The following DGKB variants were observed in gnomAD, a reference collection of about 807,000 sequenced individuals.
DGKB encodes the protein 90 kDa diacylglycerol kinase.
In DGKB, 67 loss-of-function variants were observed where a neutral mutation model predicts 114.3. The ratio of observed to expected loss-of-function variants is 0.59; its 90% CI spans 0.48 to 0.72. DGKB has a LOEUF of 0.72. Among genes scored for constraint, DGKB ranks in the 30% least tolerant of loss-of-function variants. The probability of loss-of-function intolerance (pLI) is 0.00; values close to 1 mark genes in which losing one functional copy is unlikely to be tolerated. For synonymous variants in DGKB, 398 were observed against 323.1 expected, an observed-to-expected ratio of 1.23 and a Z score of -2.49; for missense variants, 907 against 975.2, an observed-to-expected ratio of 0.93 and a Z score of 0.93.
chr7:14,297,957 T>G (rs897201073), intron 23 of DGKB, among the ~76,000 whole-genome samples: 1 of 152,056 alleles, frequency 6.6e-6, no homozygotes, highest in African/African-American at 2.4e-5. Flanking sequence ...CATTCACAAT[T>G]GCTACAAAGG....
chr7:14,184,922 T>C (rs1783177306), intron 23 of DGKB, among the ~76,000 whole-genome samples: 5 of 152,124 alleles, frequency 3.3e-5, no homozygotes, highest in Admixed American at 3.3e-4. Context: ...AACATAATAC[T>C]GAATGGGGAG....
chr7:14,736,065 T>G lies in DGKB; in HGVS notation c.298A>C (p.Ser100Arg). 1 of 1,606,388 alleles carries G rather than the reference T, an allele frequency of 6.2e-7. No individual in the cohort carries two copies. The highest frequency in any genetic ancestry group is 1.1e-5 in the South Asian group (1 of 89,352). ...CCGCCTGATAGGAGAGCAGGCTTAC[T>G]TTTTACCATTGGACTAGAATGAGGA... ...KFPHSSPMVK[S>R]KPALLSGGLR... is the part of the protein sequence containing the mutation. Residue 100 changes from serine to arginine, a missense_variant, in exon 5 of 26, where the codon AGT becomes CGT. This residue lies in a region of DGKB where 814 missense variants were observed against 856.6 expected (regional missense o/e 0.95). Coordinates refer to ENST00000402815, the MANE Select transcript of DGKB (RefSeq NM_001350709.2).
rs565180898 is a variant in DGKB at position 14,170,855 on chromosome 7, C to T, written c.2304+5984G>A. Reference sequence around the variant, plus strand: ...TAGAGCAACAGAGAAAAGACCAAGTCTTCCTAGTAGAGGACACAAACAAAG... The same window carrying T: ...TAGAGCAACAGAGAAAAGACCAAGTTTTCCTAGTAGAGGACACAAACAAAG... On this transcript the variant is annotated intron_variant, in intron 25 of 25. Transcript: ENST00000402815. 2.6e-5 allele frequency among the ~76,000 whole-genome samples: 4 copies of T among 152,308 alleles called. No homozygotes were observed. In the East Asian group the frequency reaches 7.7e-4, roughly 29 times the overall value.
chr7:14,700,850 A>G (rs1216434398), intron 7 of DGKB, among the ~76,000 whole-genome samples: 1 of 152,198 alleles, frequency 6.6e-6, no homozygotes, highest in Non-Finnish European at 1.5e-5. Context: ...ACACTTCAAA[A>G]TTTCCAAATG....
chr7:14,379,488 C>G (rs75953369), intron 21 of DGKB, among the ~76,000 whole-genome samples: 1 of 151,274 alleles, frequency 6.6e-6, no homozygotes, highest in Non-Finnish European at 1.5e-5. Flanking sequence ...GAGTGGGGAG[C>G]GCTCTGACTA....
intron 13 of DGKB, among the ~76,000 whole-genome samples, chr7:14,647,756 C>G (rs13234445): frequency 6.6e-6 from 1 of 152,186 alleles, no homozygotes; most frequent in African/African-American, 2.4e-5. Context: ...CTAGGGAGTG[C>G]CAGACAGTGG....
intron 23 of DGKB, among the ~76,000 whole-genome samples, chr7:14,327,154 A>G (rs969741250): frequency 1.3e-5 from 2 of 152,152 alleles, no homozygotes; most frequent in South Asian, 2.1e-4. Context: ...AGTATCTACC[A>G]TAAACAGCAC....
chr7:14,915,040 A>G (rs1172585149), intron 1 of DGKB, among the ~76,000 whole-genome samples: 5 of 152,152 alleles, frequency 3.3e-5, no homozygotes, highest in Non-Finnish European at 7.4e-5. Flanking sequence ...GGACAATTAC[A>G]AACATAAGCA....
Position 14,149,047 on chromosome 7 carries a change from T to C in DGKB, c.*84A>G. On this transcript the variant is annotated 3_prime_UTR_variant, in exon 26 of 26. Transcript: ENST00000402815. ...CCATGATTTTGCATGAGCAGGAGAC[T>C]TGAAATGGTTCAAAGATTTCCAGCA... 2.4e-6 allele frequency: 3 copies of C among 1,229,352 alleles called. No homozygotes were observed. In the South Asian group the frequency reaches 3.6e-5, roughly 15 times the overall value. The allele number at this position is 1,229,352 out of a possible 1,614,324, so 76.2% of individuals were successfully genotyped here.
chr7:14,591,360 C>G (rs1801679417), intron 17 of DGKB, among the ~76,000 whole-genome samples: 1 of 152,134 alleles, frequency 6.6e-6, no homozygotes, highest in African/African-American at 2.4e-5. Flanking sequence ...TTATTTGCAC[C>G]ATTTTATTAA....
intron 23 of DGKB, among the ~76,000 whole-genome samples, chr7:14,265,650 A>C (rs1797402634): frequency 6.6e-6 from 1 of 152,086 alleles, no homozygotes; most frequent in Non-Finnish European, 1.5e-5. Context: ...CTATGGTATA[A>C]CTACCTGTTC....
chr7:14,696,501 C>CA (rs35486620), intron 8 of DGKB, among the ~76,000 whole-genome samples: 1,903 of 45,010 alleles, frequency 0.042, 362 homozygotes, highest in East Asian at 0.11. Flanking sequence ...GACTCCGTCT[C>CA]AAAAAAAAAA....
intron 21 of DGKB, among the ~76,000 whole-genome samples, chr7:14,351,658 A>T (rs1439714342): frequency 6.6e-6 from 1 of 152,188 alleles, no homozygotes; most frequent in Non-Finnish European, 1.5e-5. Context: ...TGCTCAAAGT[A>T]TGTAATAGTG....
At chr7:14,573,432 T>A (rs1798668175) in intron 20 of DGKB, among the ~76,000 whole-genome samples, 1 of 151,730 alleles carries the variant, frequency 6.6e-6, no homozygotes, top group Admixed American at 6.6e-5. Flanking sequence ...CAACCAATGC[T>A]TTCTATATTC....
At chr7:14,273,208 T>C (rs761599594) in intron 23 of DGKB, among the ~76,000 whole-genome samples, 2 of 152,024 alleles carry the variant, frequency 1.3e-5, no homozygotes, top group Non-Finnish European at 2.9e-5. Flanking sequence ...TAGCTGGGCA[T>C]GGTGGGGCAA....
chr7:14,796,594 C>A (rs569037802), intron 2 of DGKB, among the ~76,000 whole-genome samples: 1 of 151,566 alleles, frequency 6.6e-6, no homozygotes, highest in East Asian at 1.9e-4. Flanking sequence ...GGAAGTGGTC[C>A]AGTCAAAGCA....
At chr7:14,221,159 AT>A (rs1286167749) in intron 23 of DGKB, among the ~76,000 whole-genome samples, 1 of 151,000 alleles carries the variant, frequency 6.6e-6, no homozygotes, top group East Asian at 2.0e-4. Flanking sequence ...CCTTTTATTT[AT>A]TTTTTTGCCT....
chr7:14,565,336 T>C (rs1173950754), intron 20 of DGKB, among the ~76,000 whole-genome samples: 1 of 152,102 alleles, frequency 6.6e-6, no homozygotes, highest in Non-Finnish European at 1.5e-5. Context: ...CAGGTAATCT[T>C]CCACTAAAGG....
At chr7:14,200,601 T>A (rs1309224606) in intron 23 of DGKB, among the ~76,000 whole-genome samples, 1 of 152,100 alleles carries the variant, frequency 6.6e-6, no homozygotes, top group African/African-American at 2.4e-5. Context: ...ATACTACATA[T>A]GATTTCTTTG....
Sources: gnomAD v4.1 joint callset for allele counts (sites outside exome capture counted in the v4.1 genomes callset) on GRCh38, gnomAD v4.1.1 for gene constraint, gnomAD v4.1.1 regional missense constraint, MANE v1.5 for transcripts, NCBI Gene and HGNC (gene_info 2026-07-23, HGNC 2026-07-21) for gene names.